Variants in PCLO observed in about 807,000 individuals in gnomAD.
PCLO encodes the protein protein piccolo.
A neutral mutation model predicts 427.5 loss-of-function variants in PCLO; 82 were observed. The observed-to-expected ratio is 0.19, with a 90% CI of 0.16 to 0.23. The LOEUF (loss-of-function observed/expected upper bound fraction) is 0.23. Ranked by LOEUF, PCLO falls within the 10% of genes least tolerant of loss-of-function variation. The probability of loss-of-function intolerance (pLI) is 1.00; values close to 1 mark genes in which losing one functional copy is unlikely to be tolerated. For missense variants in PCLO, 6,239 were observed against 6,115.9 expected (o/e 1.02, Z -0.67); for synonymous variants, 2,357 against 2,155.4 (o/e 1.09, Z -2.59).
At chr7:82,803,917 T>G (rs986867092) in intron 21 of PCLO, among the ~76,000 whole-genome samples, 1 of 151,984 alleles carries the variant, frequency 6.6e-6, no homozygotes, top group Non-Finnish European at 1.5e-5. Context: ...ATGGGAAAAA[T>G]CAAAATTAGA....
intron 9 of PCLO, among the ~76,000 whole-genome samples, chr7:82,892,572 C>A (rs1422001425): frequency 4.0e-5 from 6 of 151,502 alleles, no homozygotes; most frequent in Non-Finnish European, 7.4e-5. Flanking sequence ...CCAAAATTGA[C>A]AAATGGGATC....
chr7:83,058,739 C>A (rs10245029), intron 3 of PCLO, among the ~76,000 whole-genome samples: 1 of 151,952 alleles, frequency 6.6e-6, no homozygotes, highest in Non-Finnish European at 1.5e-5. Flanking sequence ...AAGTTCATAA[C>A]GTCGGTGTGT....
intron 3 of PCLO, among the ~76,000 whole-genome samples, chr7:83,068,154 G>A (rs937854445): frequency 6.6e-6 from 1 of 151,942 alleles, no homozygotes; most frequent in Non-Finnish European, 1.5e-5. Flanking sequence ...CTTCCTATTA[G>A]GTCTTTGCAG....
At chr7:82,787,509 T>G (rs2129468301) in intron 22 of PCLO, among the ~76,000 whole-genome samples, 1 of 152,176 alleles carries the variant, frequency 6.6e-6, no homozygotes, top group East Asian at 1.9e-4. Flanking sequence ...TAGAATATTT[T>G]ATTTAAAATA....
intron 3 of PCLO, among the ~76,000 whole-genome samples, chr7:82,994,433 G>A (rs923677026): frequency 6.6e-6 from 1 of 151,926 alleles, no homozygotes; most frequent in African/African-American, 2.4e-5. Flanking sequence ...TAACGAAAAG[G>A]GTAAGGTGGC....
intron 3 of PCLO, among the ~76,000 whole-genome samples, chr7:82,973,930 T>C (rs941171897): frequency 1.4e-4 from 21 of 152,294 alleles, no homozygotes; most frequent in African/African-American, 2.9e-4. Flanking sequence ...AAAATTCATA[T>C]ACTTTTTTCT....
intron 3 of PCLO, among the ~76,000 whole-genome samples, chr7:83,057,281 A>C (rs1789404482): frequency 1.5e-5 from 2 of 131,110 alleles, no homozygotes; most frequent in Admixed American, 1.7e-4. Context: ...CTTGACCTCA[A>C]ATGATCCATC....
intron 3 of PCLO, among the ~76,000 whole-genome samples, chr7:82,977,261 T>A (rs1796037961): frequency 6.6e-6 from 1 of 151,966 alleles, no homozygotes. Context: ...GTTTTAATAC[T>A]ACACACTTTT....
intron 9 of PCLO, among the ~76,000 whole-genome samples, chr7:82,886,236 C>T (rs543370976): frequency 2.1e-4 from 32 of 152,252 alleles, no homozygotes; most frequent in Admixed American, 1.3e-4. Context: ...TCAGTATAAT[C>T]TCCATTTCTC....
chr7:83,063,208 T>C (rs1358777570), intron 3 of PCLO, among the ~76,000 whole-genome samples: 2 of 152,108 alleles, frequency 1.3e-5, no homozygotes, highest in Non-Finnish European at 2.9e-5. Flanking sequence ...TCCAGGTATC[T>C]GATGTTAAAG....
chr7:82,838,413 GT>G (rs1009273557), intron 14 of PCLO, 71 bp from the exon 15 acceptor site: 93 of 886,072 alleles, frequency 1.0e-4, no homozygotes, highest in Non-Finnish European at 1.3e-4. Flanking sequence ...ATATTTACTA[GT>G]TTTTTTTAAA....
At chr7:82,800,763 T>G (rs1309437675) in intron 22 of PCLO, among the ~76,000 whole-genome samples, 1 of 151,946 alleles carries the variant, frequency 6.6e-6, no homozygotes, top group Non-Finnish European at 1.5e-5. Flanking sequence ...GACTGTCTAA[T>G]TTTTGTATTT....
Position 82,954,503 on chromosome 7 carries a change from T to G in PCLO, c.6450A>C (p.Thr2150=), listed in dbSNP as rs1285633274. ...GGGCAATTATCTCTTGAATTTCTCT[T>G]GTATAATCGGTTACATATTCATCCT... is the stretch of plus-strand genomic sequence containing the variant. The part of the protein sequence containing the change: ...EIEDEYVTDY[T]REIQEIIAHE... The change falls in exon 5 of 25, where the codon ACA becomes ACC. Residue 2150 remains threonine, a synonymous_variant. Coordinates refer to ENST00000333891, the MANE Select transcript of PCLO (RefSeq NM_033026.6). 1.2e-6 allele frequency: 2 copies of G among 1,613,988 alleles called. No individual in the cohort carries two copies. Among genetic ancestry groups the G allele is most frequent in the Non-Finnish European group, 1.7e-6 (2 of 1,179,874 alleles).
At chr7:82,832,640 AAC>A (rs1209046418) in intron 16 of PCLO, among the ~76,000 whole-genome samples, 3 of 152,126 alleles carry the variant, frequency 2.0e-5, no homozygotes, top group African/African-American at 7.2e-5. Flanking sequence ...CCAGCAGGAA[AAC>A]AGTTTCCATG....
intron 3 of PCLO, among the ~76,000 whole-genome samples, chr7:83,026,188 G>C (rs1020864726): frequency 1.3e-5 from 2 of 152,158 alleles, no homozygotes; most frequent in Non-Finnish European, 2.9e-5. Context: ...AGACCCATCA[G>C]TGTGCTGTAT....
At chr7:83,152,950 T>C (rs1184445371) in intron 2 of PCLO, among the ~76,000 whole-genome samples, 1 of 152,168 alleles carries the variant, frequency 6.6e-6, no homozygotes, top group East Asian at 1.9e-4. Context: ...ATTCAAATAA[T>C]AACTGTCTTT....
intron 3 of PCLO, among the ~76,000 whole-genome samples, chr7:83,112,349 C>T (rs1791026042): frequency 6.6e-6 from 1 of 152,156 alleles, no homozygotes; most frequent in South Asian, 2.1e-4. Context: ...AGCCACTGCG[C>T]CTGGCCTGAT....
chr7:82,769,154 T>C (rs143796467), intron 22 of PCLO, among the ~76,000 whole-genome samples: 1 of 152,272 alleles, frequency 6.6e-6, no homozygotes, highest in East Asian at 1.9e-4. Flanking sequence ...TTTAAAACAT[T>C]TTTGTAACAC....
intron 3 of PCLO, among the ~76,000 whole-genome samples, chr7:82,998,542 A>G (rs1787692463): frequency 6.6e-6 from 1 of 151,918 alleles, no homozygotes; most frequent in African/African-American, 2.4e-5. Context: ...ATGGGAAAAG[A>G]AAATACCTAA....
Sources: allele counts gnomAD v4.1 joint callset (sites outside exome capture counted in the v4.1 genomes callset), GRCh38; gene constraint gnomAD v4.1.1; transcripts MANE v1.5; gene names NCBI Gene and HGNC (gene_info 2026-07-23, HGNC 2026-07-21).